GABRA3: variants seen among roughly 807,000 people sequenced by gnomAD.
GABRA3 encodes gamma-aminobutyric acid receptor subunit alpha-3.
A neutral mutation model predicts 30.1 loss-of-function variants in GABRA3; 10 were observed. The ratio of observed to expected loss-of-function variants is 0.33; its 90% CI spans 0.20 to 0.56. The LOEUF (loss-of-function observed/expected upper bound fraction) is 0.56, where lower values mean the gene tolerates loss of function less well. GABRA3 is among the 20% of genes least tolerant of loss of function. The probability of loss-of-function intolerance (pLI) is 0.89; values close to 1 mark genes in which losing one functional copy is unlikely to be tolerated. For synonymous variants in GABRA3, 151 were observed against 146.8 expected, an observed-to-expected ratio of 1.03 and a Z score of -0.21; for missense variants, 233 against 392.0, an observed-to-expected ratio of 0.59 and a Z score of 3.42.
intron 1 of GABRA3, among the ~76,000 whole-genome samples, chrX:152,438,975 G>A (rs1050731646): frequency 1.8e-5 from 2 of 110,650 alleles, no homozygotes; most frequent in Non-Finnish European, 3.8e-5. Flanking sequence ...ATAGACGTGA[G>A]TTAATAATAA....
chrX:152,307,198 C>T (rs1400105344), intron 3 of GABRA3, among the ~76,000 whole-genome samples: 1 of 111,413 alleles, frequency 9.0e-6, no homozygotes, highest in Non-Finnish European at 1.9e-5. Context: ...CCTGACCTCA[C>T]GGCCCTATTG....
At chrX:152,169,387 A>C (rs1305782691) in intron 9 of GABRA3, among the ~76,000 whole-genome samples, 1 of 112,270 alleles carries the variant, frequency 8.9e-6, no homozygotes, top group Non-Finnish European at 1.9e-5. Flanking sequence ...CGGAGTTGCT[A>C]TGTCACTGCC....
At chrX:152,311,795 C>A (rs1444561846) in intron 3 of GABRA3, among the ~76,000 whole-genome samples, 2 of 108,715 alleles carry the variant, frequency 1.8e-5, no homozygotes. Context: ...GATTCTATAC[C>A]TAGAAAACAC....
chrX:152,394,921 T>C (rs1261409611), intron 1 of GABRA3, among the ~76,000 whole-genome samples: 1 of 111,123 alleles, frequency 9.0e-6, no homozygotes, highest in Non-Finnish European at 1.9e-5. Flanking sequence ...AAAAAGCATG[T>C]TTTAATATGT....
intron 3 of GABRA3, among the ~76,000 whole-genome samples, chrX:152,340,694 A>G (rs1381532703): frequency 8.9e-6 from 1 of 111,814 alleles, no homozygotes; most frequent in Non-Finnish European, 1.9e-5. Context: ...ATCCTTCTAA[A>G]GTTTTTCATC....
chrX:152,377,224 G>T (rs1245982497), intron 1 of GABRA3, among the ~76,000 whole-genome samples: 1 of 111,368 alleles, frequency 9.0e-6, no homozygotes, highest in Non-Finnish European at 1.9e-5. Flanking sequence ...CTTCTGTGAG[G>T]TATATATAGG....
intron 4 of GABRA3, among the ~76,000 whole-genome samples, chrX:152,260,728 A>C (rs1326807472): frequency 9.0e-6 from 1 of 111,498 alleles, no homozygotes; most frequent in Non-Finnish European, 1.9e-5. Context: ...ACAACACCCA[A>C]GTCCTTTCAA....
chrX:152,232,317 A>C (rs903504284), intron 5 of GABRA3, among the ~76,000 whole-genome samples: 3 of 110,474 alleles, frequency 2.7e-5, no homozygotes, highest in Admixed American at 9.8e-5. Flanking sequence ...TTACACAGAT[A>C]TATTACATAG....
chrX:152,189,964 C>T, intron 8 of GABRA3, 23 bp from the exon 9 acceptor site: 2 of 1,063,573 alleles, frequency 1.9e-6, no homozygotes, highest in Non-Finnish European at 2.6e-6. Context: ...AAGATGAGAA[C>T]CAGTTGCAAC....
chrX:152,264,431 C>T (rs1316866554), intron 4 of GABRA3, among the ~76,000 whole-genome samples: 7 of 111,054 alleles, frequency 6.3e-5, no homozygotes, highest in Admixed American at 1.9e-4. Flanking sequence ...GCTTAAATAA[C>T]GGGGCATAAG....
intron 1 of GABRA3, among the ~76,000 whole-genome samples, chrX:152,420,286 G>A (rs1930342325): frequency 9.1e-6 from 1 of 110,454 alleles, no homozygotes; most frequent in African/African-American, 3.3e-5. Flanking sequence ...AATAAGGCAG[G>A]AAAAATATGA....
At chrX:152,378,899 T>C (rs1262627377) in intron 1 of GABRA3, among the ~76,000 whole-genome samples, 1 of 111,592 alleles carries the variant, frequency 9.0e-6, no homozygotes, top group African/African-American at 3.2e-5. Flanking sequence ...TTACTAGAAG[T>C]AATGAGAAAA....
chrX:152,394,631 C>T lies in GABRA3; in HGVS notation c.-26-30035G>A. 2 of 271,117 alleles carry T rather than the reference C, an allele frequency of 7.4e-6. 1 individual carries two copies. Among genetic ancestry groups the T allele is most frequent in the South Asian group, 8.1e-5 (2 of 24,718 alleles). The allele number at this position is 271,117 out of a possible 1,213,427, so 22.3% of individuals were successfully genotyped here. ...TAGTACAAAATACTCATTCCCAGTA[C>T]AAGTAGACAATGATTGTGTATTTTC... On this transcript the variant is annotated intron_variant, in intron 1 of 9. Coordinates refer to ENST00000370314, the MANE Select transcript of GABRA3 (RefSeq NM_000808.4).
chrX:152,449,216 T>C (rs1420809886), intron 1 of GABRA3, among the ~76,000 whole-genome samples: 1 of 111,992 alleles, frequency 8.9e-6, no homozygotes, highest in Non-Finnish European at 1.9e-5. Context: ...GACTTTGGCT[T>C]ATGATGGGGA....
At chrX:152,194,181 A>G (rs1937357837) in intron 8 of GABRA3, among the ~76,000 whole-genome samples, 1 of 111,611 alleles carries the variant, frequency 9.0e-6, no homozygotes, top group African/African-American at 3.3e-5. Context: ...TCATACATTC[A>G]GTGCTTATTT....
intron 6 of GABRA3, among the ~76,000 whole-genome samples, chrX:152,214,883 T>C (rs1470219590): frequency 2.7e-5 from 3 of 109,631 alleles, no homozygotes; most frequent in South Asian, 3.8e-4. Context: ...TATTGGCATA[T>C]AGAAATGGTA....
At chrX:152,406,709 T>A (rs1187104310) in intron 1 of GABRA3, among the ~76,000 whole-genome samples, 1 of 108,658 alleles carries the variant, frequency 9.2e-6, no homozygotes, top group Non-Finnish European at 1.9e-5. Context: ...AGACAGAAAA[T>A]CAAGAAAGAA....
At chrX:152,182,644 CTA>C (rs1329894798) in intron 9 of GABRA3, among the ~76,000 whole-genome samples, 15 of 50,882 alleles carry the variant, frequency 2.9e-4, no homozygotes, top group African/African-American at 1.1e-3. Context: ...TATATATACA[CTA>C]TATATACATA....
chrX:152,326,291 T>C (rs1427981831), intron 3 of GABRA3, among the ~76,000 whole-genome samples: 1 of 111,857 alleles, frequency 8.9e-6, no homozygotes, highest in Admixed American at 9.5e-5. Context: ...CAGGATATTA[T>C]CCAGGAGAAC....
Sources: gnomAD v4.1 joint callset for allele counts (sites outside exome capture counted in the v4.1 genomes callset) on GRCh38, gnomAD v4.1.1 for gene constraint, MANE v1.5 for transcripts, NCBI Gene and HGNC (gene_info 2026-07-23, HGNC 2026-07-21) for gene names.